RAMP1: variants seen among roughly 807,000 people sequenced by gnomAD.
RAMP1 encodes receptor activity modifying protein 1.
In RAMP1, 7 loss-of-function variants were observed where a neutral mutation model predicts 8.2. The observed-to-expected ratio is 0.85, with a 90% CI of 0.49 to 1.60. The LOEUF (loss-of-function observed/expected upper bound fraction) is 1.60, where lower values mean the gene tolerates loss of function less well. RAMP1 is among the 40% of genes most tolerant of loss of function. The probability of loss-of-function intolerance (pLI) is 0.00; values close to 1 mark genes in which losing one functional copy is unlikely to be tolerated. For missense variants in RAMP1, 192 were observed against 202.4 expected (o/e 0.95, Z 0.31); for synonymous variants, 92 against 84.7 (o/e 1.09, Z -0.47).
At chr2:237,907,967 G>A (rs773065654) in intron 2 of RAMP1, among the ~76,000 whole-genome samples, 1 of 152,246 alleles carries the variant, frequency 6.6e-6, no homozygotes, top group Non-Finnish European at 1.5e-5. Context: ...CAGACCGTTA[G>A]TGTGGGATTT....
intron 1 of RAMP1, among the ~76,000 whole-genome samples, chr2:237,874,469 C>G (rs13390872): frequency 0.032 from 4,801 of 152,320 alleles, 252 homozygotes; most frequent in African/African-American, 0.11. Flanking sequence ...GGTCCCTTTA[C>G]CAGATCCTCC....
intron 2 of RAMP1, among the ~76,000 whole-genome samples, chr2:237,890,670 T>C (rs79447913): frequency 1.6e-4 from 24 of 152,362 alleles, no homozygotes; most frequent in African/African-American, 5.5e-4. Flanking sequence ...TCTTCATCTG[T>C]GTTTATTTGG....
At chr2:237,898,289 C>T (rs2062562810) in intron 2 of RAMP1, among the ~76,000 whole-genome samples, 1 of 152,216 alleles carries the variant, frequency 6.6e-6, no homozygotes, top group Non-Finnish European at 1.5e-5. Context: ...TCAAAGCATT[C>T]CTGTCTCAGC....
chr2:237,881,589 C>T (rs764308321), intron 2 of RAMP1, among the ~76,000 whole-genome samples: 4 of 152,230 alleles, frequency 2.6e-5, no homozygotes, highest in Non-Finnish European at 4.4e-5. Flanking sequence ...ACTGTGTTGT[C>T]GTCCATTAGA....
chr2:237,887,413 A>AGTATCAAAGG (rs142565401), intron 2 of RAMP1, among the ~76,000 whole-genome samples: 10,735 of 152,266 alleles, frequency 0.071, 536 homozygotes, highest in East Asian at 0.14. Flanking sequence ...GCGGGACCTA[A>AGTATCAAAGG]GCACAGGGTG....
chr2:237,901,951 TG>T (rs973242514), intron 2 of RAMP1, among the ~76,000 whole-genome samples: 25 of 151,988 alleles, frequency 1.6e-4, no homozygotes, highest in Non-Finnish European at 4.4e-5. Context: ...GGCACAGTGA[TG>T]GGGCCTCAGG....
upstream of RAMP1, among the ~76,000 whole-genome samples, chr2:237,859,310 T>C (rs544411821): frequency 2.6e-5 from 4 of 152,100 alleles, no homozygotes; most frequent in Non-Finnish European, 5.9e-5. Flanking sequence ...GAGGGGAAGA[T>C]CCCCAGGTGG....
intron 2 of RAMP1, among the ~76,000 whole-genome samples, chr2:237,899,457 G>A (rs1460422783): frequency 2.0e-5 from 3 of 152,220 alleles, no homozygotes; most frequent in Non-Finnish European, 4.4e-5. Flanking sequence ...AAAGAATATT[G>A]AGTTTTCTCA....
chr2:237,887,057 C>G (rs2062441471), intron 2 of RAMP1, among the ~76,000 whole-genome samples: 1 of 149,140 alleles, frequency 6.7e-6, no homozygotes, highest in Non-Finnish European at 1.5e-5. Flanking sequence ...CACTGAGCCC[C>G]GAAGGCGGCC....
intron 2 of RAMP1, among the ~76,000 whole-genome samples, chr2:237,902,984 T>G (rs1010104522): frequency 1.3e-5 from 2 of 152,198 alleles, no homozygotes; most frequent in Non-Finnish European, 2.9e-5. Flanking sequence ...CCAGGCTGTT[T>G]ATGGCACCTG....
chr2:237,888,118 A>G (rs1472147463), intron 2 of RAMP1, among the ~76,000 whole-genome samples: 1 of 152,110 alleles, frequency 6.6e-6, no homozygotes, highest in East Asian at 1.9e-4. Context: ...CAGTGGCACA[A>G]TCTCGGCTCA....
intron 1 of RAMP1, among the ~76,000 whole-genome samples, chr2:237,876,636 C>G (rs1042295231): frequency 2.6e-5 from 4 of 151,060 alleles, no homozygotes; most frequent in African/African-American, 9.9e-5. Context: ...AAGGGCCATG[C>G]TCTCCCCGCC....
intron 2 of RAMP1, among the ~76,000 whole-genome samples, chr2:237,909,076 A>G (rs2062681927): frequency 6.6e-6 from 1 of 152,142 alleles, no homozygotes; most frequent in East Asian, 1.9e-4. Flanking sequence ...GGCTGCCCCC[A>G]TGGGGCAAGG....
chr2:237,896,235 A>G (rs573411415), intron 2 of RAMP1, among the ~76,000 whole-genome samples: 25 of 152,336 alleles, frequency 1.6e-4, no homozygotes, highest in African/African-American at 5.5e-4. Context: ...GCCTGTTCTC[A>G]GAGGAGGTAT....
chr2:237,894,923 G>A (rs1157868227), intron 2 of RAMP1, among the ~76,000 whole-genome samples: 7 of 152,140 alleles, frequency 4.6e-5, no homozygotes, highest in African/African-American at 1.7e-4. Context: ...TCTGGTTGTG[G>A]TTCTCCTTCG....
rs117170458 is a variant in RAMP1 at position 237,868,674 on chromosome 2, C to T, written c.53-8550C>T. On this transcript the variant is annotated intron_variant, in intron 1 of 2. Transcript: ENST00000254661. The stretch of plus-strand genomic sequence containing the variant: ...CGCATTTCTTTTTGTTCTTTGCTGG[C>T]GTGGGAATGAAACGTCATCGGTTCT... Among the ~76,000 whole-genome samples, 248 of 151,844 alleles carry T rather than the reference C, an allele frequency of 1.6e-3. 5 individuals carry two copies. In the East Asian group the frequency reaches 0.042, roughly 26 times the overall value.
chr2:237,895,293 G>C (rs2062529394), intron 2 of RAMP1, among the ~76,000 whole-genome samples: 1 of 152,142 alleles, frequency 6.6e-6, no homozygotes, highest in South Asian at 2.1e-4. Context: ...GGGGGGTCAT[G>C]GGCTCCCATC....
At chr2:237,893,442 T>G (rs911905978) in intron 2 of RAMP1, among the ~76,000 whole-genome samples, 3 of 152,204 alleles carry the variant, frequency 2.0e-5, no homozygotes, top group Admixed American at 1.3e-4. Context: ...CATTCCCCGA[T>G]AGCTGAGGTT....
intron 2 of RAMP1, among the ~76,000 whole-genome samples, chr2:237,902,433 C>T (rs1391991360): frequency 1.3e-5 from 2 of 150,440 alleles, no homozygotes; most frequent in Admixed American, 6.6e-5. Context: ...GAGGAGGGAA[C>T]AGGAGGACCA....
Sources: allele counts gnomAD v4.1 joint callset (sites outside exome capture counted in the v4.1 genomes callset), GRCh38; gene constraint gnomAD v4.1.1; transcripts MANE v1.5; gene names NCBI Gene and HGNC (gene_info 2026-07-23, HGNC 2026-07-21).